MB21D2: variants seen among roughly 807,000 people sequenced by gnomAD.
MB21D2 encodes nucleotidyltransferase MB21D2.
In MB21D2, 9 loss-of-function variants were observed where a neutral mutation model predicts 33.3. The ratio of observed to expected loss-of-function variants is 0.27; its 90% CI spans 0.16 to 0.47. The LOEUF (loss-of-function observed/expected upper bound fraction) is 0.47. MB21D2 is among the 20% of genes least tolerant of loss of function. The probability of loss-of-function intolerance (pLI) is 0.99; values close to 1 mark genes in which losing one functional copy is unlikely to be tolerated. For missense variants in MB21D2, 540 were observed against 624.6 expected (o/e 0.86, Z 1.44); for synonymous variants, 241 against 236.3 (o/e 1.02, Z -0.18).
intron 1 of MB21D2, among the ~76,000 whole-genome samples, chr3:192,861,597 G>A (rs1343401626): frequency 3.3e-5 from 5 of 152,080 alleles, no homozygotes; most frequent in Admixed American, 2.6e-4. Context: ...ACCTGAGGTC[G>A]GGAGTTCGAG....
intron 1 of MB21D2, among the ~76,000 whole-genome samples, chr3:192,898,551 G>A (rs1241386426): frequency 6.6e-6 from 1 of 152,114 alleles, no homozygotes; most frequent in Admixed American, 6.5e-5. Context: ...AGCCATCTTA[G>A]TGCCTCATCA....
chr3:192,905,017 C>T (rs1006839725), intron 1 of MB21D2, among the ~76,000 whole-genome samples: 5 of 152,244 alleles, frequency 3.3e-5, no homozygotes, highest in Non-Finnish European at 5.9e-5. Flanking sequence ...AGGCTGTGCA[C>T]ACCAAGGGCA....
intron 1 of MB21D2, among the ~76,000 whole-genome samples, chr3:192,877,925 G>A (rs1490992140): frequency 6.6e-6 from 1 of 151,310 alleles, no homozygotes; most frequent in Non-Finnish European, 1.5e-5. Context: ...AAAGATTTGG[G>A]GTTCCCAAAT....
chr3:192,850,982 C>T (rs1389651273), intron 1 of MB21D2, among the ~76,000 whole-genome samples: 6 of 152,186 alleles, frequency 3.9e-5, no homozygotes, highest in Non-Finnish European at 7.3e-5. Flanking sequence ...TGCTCTGCTA[C>T]TTATTGTTAG....
Position 192,798,126 on chromosome 3 carries a change from C to CT in MB21D2, c.*259dup. The stretch of plus-strand genomic sequence containing the variant: ...ATTTTCATCTATGGCTTAAGATCTC[C>CT]TTAAAAAGAAAAAAAACTCCAACAA... On this transcript the variant is annotated 3_prime_UTR_variant, in exon 2 of 2. Transcript: ENST00000392452. This position sits in a 1 kb window ranked among gnomAD's most constrained non-coding sequence, Gnocchi z 4.8. The CT allele has an allele frequency of 2.5e-6, 1 of 396,524 alleles. No individual in the cohort carries two copies. The highest frequency in any genetic ancestry group is 4.5e-6 in the Non-Finnish European group (1 of 222,638). The allele number at this position is 396,524 out of a possible 1,614,324, so 24.6% of individuals were successfully genotyped here.
chr3:192,841,855 A>G (rs577366383), intron 1 of MB21D2, among the ~76,000 whole-genome samples: 19 of 152,260 alleles, frequency 1.2e-4, no homozygotes, highest in Non-Finnish European at 2.1e-4. Context: ...TCAAAGGAAC[A>G]TGTTTTGAAG....
At chr3:192,896,067 C>T (rs1713966601) in intron 1 of MB21D2, among the ~76,000 whole-genome samples, 3 of 152,140 alleles carry the variant, frequency 2.0e-5, no homozygotes, top group African/African-American at 2.4e-5. Context: ...TTATGTACTC[C>T]GCTGCTCGTT....
intron 1 of MB21D2, among the ~76,000 whole-genome samples, chr3:192,911,760 A>T (rs9853424): frequency 0.38 from 57,998 of 152,000 alleles, 13,763 homozygotes; most frequent in Non-Finnish European, 0.51. Flanking sequence ...ACTGCCCAGA[A>T]CCATGGAGGG....
rs1031472206 is a variant in MB21D2, at chr3:192,891,504, T to G, written c.211+26126A>C. Among the ~76,000 whole-genome samples the G allele has an allele frequency of 2.6e-5, 4 of 152,124 alleles. No individual in the cohort carries two copies. In the East Asian group the frequency reaches 7.7e-4, roughly 29 times the overall value. ...AAAAGAAAGGTATTTGCAAATCCAT[T>G]GCAAGAGAAGAGAGATGGTAGGAGT... On this transcript the variant is annotated intron_variant, in intron 1 of 1. Transcript: ENST00000392452.
chr3:192,892,581 C>G (rs953561764), intron 1 of MB21D2, among the ~76,000 whole-genome samples: 2 of 152,270 alleles, frequency 1.3e-5, no homozygotes, highest in Admixed American at 6.5e-5. Context: ...GCTGGGATTA[C>G]AGGCACCTGC....
At chr3:192,816,150 T>C (rs925095392) in intron 1 of MB21D2, among the ~76,000 whole-genome samples, 3 of 152,100 alleles carry the variant, frequency 2.0e-5, no homozygotes, top group African/African-American at 4.8e-5. Context: ...GTATTTATAT[T>C]GTGTCCCTTC....
intron 1 of MB21D2, among the ~76,000 whole-genome samples, chr3:192,855,328 G>A (rs182514722): frequency 2.7e-4 from 41 of 152,246 alleles, no homozygotes; most frequent in African/African-American, 9.9e-4. Flanking sequence ...CTAACTCCTG[G>A]CCTCGTGATC....
chr3:192,869,540 G>A (rs374611853), intron 1 of MB21D2, among the ~76,000 whole-genome samples: 3 of 152,314 alleles, frequency 2.0e-5, no homozygotes, highest in East Asian at 3.9e-4. Flanking sequence ...CCAGAGTCAT[G>A]TAATATGTGT....
chr3:192,829,725 A>G (rs1321227158), intron 1 of MB21D2, among the ~76,000 whole-genome samples: 2 of 152,160 alleles, frequency 1.3e-5, no homozygotes, highest in Non-Finnish European at 2.9e-5. Context: ...GTATGTATGT[A>G]TGGTGTATCT....
chr3:192,805,614 G>A (rs909876107), intron 1 of MB21D2, among the ~76,000 whole-genome samples: 3 of 152,144 alleles, frequency 2.0e-5, no homozygotes, highest in South Asian at 2.1e-4. Flanking sequence ...TGATATGTAC[G>A]CAAGAACACT....
chr3:192,915,065 C>T (rs899037390), intron 1 of MB21D2, among the ~76,000 whole-genome samples: 115 of 152,156 alleles, frequency 7.6e-4, no homozygotes, highest in African/African-American at 2.0e-3. Context: ...GAGGCTTGCA[C>T]CCAATTCGTG....
intron 1 of MB21D2, among the ~76,000 whole-genome samples, chr3:192,891,478 C>CA (rs1560252560): frequency 6.6e-6 from 1 of 152,054 alleles, no homozygotes; most frequent in African/African-American, 2.4e-5. Context: ...AAAAGAAAGG[C>CA]AAAAGAAAGG....
chr3:192,914,674 G>C (rs1046771441), intron 1 of MB21D2, among the ~76,000 whole-genome samples: 1 of 152,082 alleles, frequency 6.6e-6, no homozygotes, highest in African/African-American at 2.4e-5. Flanking sequence ...AGAGGAATAA[G>C]AAGTGAATCT....
At chr3:192,879,812 C>G (rs894648017) in intron 1 of MB21D2, among the ~76,000 whole-genome samples, 1 of 152,202 alleles carries the variant, frequency 6.6e-6, no homozygotes, top group Non-Finnish European at 1.5e-5. Flanking sequence ...GCGAGAAAAT[C>G]TTTTAAGCTT....
Sources: gnomAD v4.1 joint callset for allele counts (sites outside exome capture counted in the v4.1 genomes callset) on GRCh38, gnomAD v4.1.1 for gene constraint, Gnocchi (gnomAD v3.1) non-coding constraint, MANE v1.5 for transcripts, NCBI Gene and HGNC (gene_info 2026-07-23, HGNC 2026-07-21) for gene names.